C8orf34: variants seen among roughly 807,000 people sequenced by gnomAD.
C8orf34 encodes the protein chromosome 8 open reading frame 34.
In C8orf34, 65 loss-of-function variants were observed where a neutral mutation model predicts 68.3. That is an observed-to-expected ratio of 0.95 (90% CI 0.78 to 1.17). The LOEUF (loss-of-function observed/expected upper bound fraction) is 1.17. Among genes scored for constraint, C8orf34 ranks in the 50% most tolerant of loss-of-function variants. C8orf34 has a pLI of 0.00. For synonymous variants in C8orf34, 244 were observed against 241.2 expected (o/e 1.01, Z -0.11); for missense variants, 664 against 655.4 (o/e 1.01, Z -0.14).
At chr8:68,443,099 G>A (rs1032798221) in intron 2 of C8orf34, among the ~76,000 whole-genome samples, 8 of 152,106 alleles carry the variant, frequency 5.3e-5, no homozygotes, top group African/African-American at 1.9e-4. Flanking sequence ...TGGGACATGG[G>A]GCAAGAGCAT....
chr8:68,633,746 T>A (rs1206293063), intron 7 of C8orf34, among the ~76,000 whole-genome samples: 1 of 149,168 alleles, frequency 6.7e-6, no homozygotes, highest in African/African-American at 2.5e-5. Context: ...AGGAAAGAAG[T>A]CCCAAAATAG....
intron 1 of C8orf34, among the ~76,000 whole-genome samples, chr8:68,409,062 C>T (rs199806527): frequency 1.3e-5 from 2 of 152,018 alleles, no homozygotes; most frequent in Non-Finnish European, 2.9e-5. Flanking sequence ...GCTGGGATTA[C>T]AGGCGTGAGC....
At chr8:68,766,306 G>T (rs910021350) in intron 10 of C8orf34, among the ~76,000 whole-genome samples, 1 of 152,080 alleles carries the variant, frequency 6.6e-6, no homozygotes, top group Non-Finnish European at 1.5e-5. Flanking sequence ...CAAAGACACA[G>T]GTTGATTTAA....
intron 1 of C8orf34, among the ~76,000 whole-genome samples, chr8:68,385,219 C>A (rs552914046): frequency 6.6e-6 from 1 of 152,240 alleles, no homozygotes; most frequent in African/African-American, 2.4e-5. Flanking sequence ...TTGTCAGCCT[C>A]ATTTTAGTGA....
intron 8 of C8orf34, among the ~76,000 whole-genome samples, chr8:68,685,550 C>CT (rs1359720707): frequency 5.3e-5 from 8 of 152,026 alleles, no homozygotes; most frequent in African/African-American, 1.9e-4. Flanking sequence ...TTGGAAATTG[C>CT]TTTAAAAAGC....
intron 7 of C8orf34, among the ~76,000 whole-genome samples, chr8:68,596,375 C>T (rs1475888423): frequency 6.6e-6 from 1 of 152,152 alleles, no homozygotes; most frequent in East Asian, 1.9e-4. Context: ...ACTCTGAACA[C>T]ATTTACCTTT....
intron 10 of C8orf34, among the ~76,000 whole-genome samples, chr8:68,736,009 G>C (rs1822111995): frequency 1.3e-5 from 2 of 152,272 alleles, no homozygotes; most frequent in Middle Eastern, 3.4e-3. Context: ...TTTCCTGCTA[G>C]ACAACAGAAA....
At chr8:68,566,537 T>C (rs997154252) in intron 7 of C8orf34, among the ~76,000 whole-genome samples, 2 of 152,234 alleles carry the variant, frequency 1.3e-5, no homozygotes, top group African/African-American at 4.8e-5. Flanking sequence ...ATTATGGAGA[T>C]GGCTTCTTTC....
chr8:68,496,245 A>T (rs1198409008), intron 5 of C8orf34, among the ~76,000 whole-genome samples: 2 of 152,198 alleles, frequency 1.3e-5, no homozygotes, highest in Non-Finnish European at 2.9e-5. Flanking sequence ...GACTGTATTT[A>T]TCAAGCACGT....
At chr8:68,488,414 C>T (rs1205065725) in intron 5 of C8orf34, among the ~76,000 whole-genome samples, 2 of 152,072 alleles carry the variant, frequency 1.3e-5, no homozygotes, top group Non-Finnish European at 2.9e-5. Context: ...GATAGCTCCT[C>T]TTTGGAAACC....
chr8:68,435,438 A>G (rs1810624584), intron 1 of C8orf34, among the ~76,000 whole-genome samples: 1 of 151,936 alleles, frequency 6.6e-6, no homozygotes, highest in Non-Finnish European at 1.5e-5. Context: ...AGAGGGGCTG[A>G]CCCTGAATAT....
intron 7 of C8orf34, among the ~76,000 whole-genome samples, chr8:68,540,341 A>G (rs1252911658): frequency 6.6e-6 from 1 of 150,872 alleles, no homozygotes; most frequent in Non-Finnish European, 1.5e-5. Context: ...TTAAAATTTC[A>G]TATACAATTT....
In C8orf34 at chr8:68,739,408, T is replaced by A. The variant is rs147369713; in HGVS notation, c.1404+17971T>A. Among the ~76,000 whole-genome samples, 125 of 151,708 alleles carry A rather than the reference T, an allele frequency of 8.2e-4. 1 individual carries two copies. The highest frequency in any genetic ancestry group is 3.0e-3 in the African/African-American group (122 of 41,340). On this transcript the variant is annotated intron_variant, in intron 10 of 13. Coordinates refer to ENST00000518698, the MANE Select transcript of C8orf34 (RefSeq NM_052958.4). ...TTCAGCAAAGTCTCAGGATACAAAA[T>A]CAATGTACAAAAGTCAGTAGCACTC...
At chr8:68,732,595 T>A (rs1822008070) in intron 10 of C8orf34, among the ~76,000 whole-genome samples, 1 of 152,216 alleles carries the variant, frequency 6.6e-6, no homozygotes, top group Admixed American at 6.5e-5. Context: ...ATAGCTTTTT[T>A]ATTACAGAGA....
intron 8 of C8orf34, among the ~76,000 whole-genome samples, chr8:68,688,619 C>T (rs540560980): frequency 5.7e-4 from 86 of 152,062 alleles, no homozygotes; most frequent in African/African-American, 1.8e-3. Flanking sequence ...ATTAAGAAAA[C>T]GTGGTACATA....
At chr8:68,410,540 G>A (rs985520085) in intron 1 of C8orf34, among the ~76,000 whole-genome samples, 2 of 152,038 alleles carry the variant, frequency 1.3e-5, no homozygotes, top group African/African-American at 4.8e-5. Context: ...ATTTGGGAAG[G>A]GGCAGGAGTG....
intron 10 of C8orf34, among the ~76,000 whole-genome samples, chr8:68,722,925 G>T (rs1379196691): frequency 6.6e-6 from 1 of 151,970 alleles, no homozygotes; most frequent in Non-Finnish European, 1.5e-5. Flanking sequence ...ATCCAGTTCA[G>T]CATTTCCCAT....
chr8:68,682,107 T>C (rs1820386693), intron 8 of C8orf34, among the ~76,000 whole-genome samples: 1 of 152,110 alleles, frequency 6.6e-6, no homozygotes, highest in South Asian at 2.1e-4. Flanking sequence ...TTCAACAGCA[T>C]AACAAGATGA....
At chr8:68,538,057 A>G (rs1023378851) in intron 7 of C8orf34, among the ~76,000 whole-genome samples, 4 of 152,216 alleles carry the variant, frequency 2.6e-5, no homozygotes, top group Non-Finnish European at 4.4e-5. Flanking sequence ...TTTTATCTCA[A>G]TTATACACCT....
Sources: gnomAD v4.1 joint callset for allele counts (sites outside exome capture counted in the v4.1 genomes callset) on GRCh38, gnomAD v4.1.1 for gene constraint, MANE v1.5 for transcripts, NCBI Gene and HGNC (gene_info 2026-07-23, HGNC 2026-07-21) for gene names.